Variants in NRDC observed in about 807,000 individuals in gnomAD.
NRDC encodes nardilysin.
Under a neutral mutation model 147.1 loss-of-function variants are expected in NRDC, and 54 were observed. The observed-to-expected ratio is 0.37, with a 90% CI of 0.29 to 0.46. The LOEUF is 0.46. NRDC is among the 20% of genes least tolerant of loss of function. NRDC has a pLI of 1.00. For missense variants in NRDC, 1,082 were observed against 1,370.6 expected, an observed-to-expected ratio of 0.79 and a Z score of 3.33; for synonymous variants, 440 against 482.1, an observed-to-expected ratio of 0.91 and a Z score of 1.14.
chr1:51,825,497 CA>C (rs1426777720), intron 5 of NRDC, 115 bp from the exon 6 acceptor site: 10 of 792,354 alleles, frequency 1.3e-5, no homozygotes, highest in Non-Finnish European at 2.0e-5. Flanking sequence ...CTTCATGAAT[CA>C]CGTGTTATAA....
At chr1:51,798,125 T>G (rs1679017452) in intron 22 of NRDC, 124 bp downstream of exon 22, 2 of 945,994 alleles carry the variant, frequency 2.1e-6, no homozygotes, top group African/African-American at 1.6e-5. Flanking sequence ...TCAGGTTCCC[T>G]TCTAAACAGA....
At chr1:51,797,346 T>C (rs1158132322) in intron 22 of NRDC, among the ~76,000 whole-genome samples, 1 of 152,206 alleles carries the variant, frequency 6.6e-6, no homozygotes, top group Admixed American at 6.5e-5. Context: ...CCCCAACTAC[T>C]GGAAACCACC....
At chr1:51,814,168 G>T in intron 13 of NRDC, 79 bp from the exon 14 acceptor site, 2 of 877,742 alleles carry the variant, frequency 2.3e-6, no homozygotes, top group South Asian at 1.4e-5. Flanking sequence ...AGGAGGGAGA[G>T]GATCAGAAAA....
At chr1:51,806,285 T>G (rs1427426360) in intron 18 of NRDC, among the ~76,000 whole-genome samples, 1 of 152,250 alleles carries the variant, frequency 6.6e-6, no homozygotes, top group Non-Finnish European at 1.5e-5. Context: ...CTAGGCTATC[T>G]GTCTATGAAT....
chr1:51,868,418 G>A (rs933727678), intron 1 of NRDC, among the ~76,000 whole-genome samples: 2 of 150,520 alleles, frequency 1.3e-5, no homozygotes, highest in Admixed American at 6.7e-5. Context: ...AAGATAGAAC[G>A]TTAAGAACAA....
chr1:51,820,480 T>G (rs574587956), intron 8 of NRDC, among the ~76,000 whole-genome samples: 2 of 152,250 alleles, frequency 1.3e-5, no homozygotes, highest in South Asian at 4.1e-4. Flanking sequence ...CATCAGGGAT[T>G]GACAGAACCT....
chr1:51,873,132 A>G (rs1683160877), intron 1 of NRDC, among the ~76,000 whole-genome samples: 1 of 150,194 alleles, frequency 6.7e-6, no homozygotes, highest in Non-Finnish European at 1.5e-5. Flanking sequence ...TTCATTGTAA[A>G]TATCAACAAA....
At chr1:51,852,176 G>C (rs1681984549) in intron 1 of NRDC, among the ~76,000 whole-genome samples, 1 of 152,088 alleles carries the variant, frequency 6.6e-6, no homozygotes. Flanking sequence ...CTTTGGGGCA[G>C]CTCTGAATCT....
intron 1 of NRDC, among the ~76,000 whole-genome samples, chr1:51,865,766 A>G (rs1443405625): frequency 1.3e-5 from 2 of 152,040 alleles, no homozygotes; most frequent in Non-Finnish European, 2.9e-5. Context: ...AAACCTAACA[A>G]TATCGACCAA....
intron 4 of NRDC, among the ~76,000 whole-genome samples, chr1:51,832,924 T>C (rs1465883777): frequency 6.6e-6 from 1 of 152,222 alleles, no homozygotes; most frequent in Non-Finnish European, 1.5e-5. Context: ...ATGGTACTTC[T>C]ATACAATGTA....
At chr1:51,813,042 G>A (rs963568800) in intron 14 of NRDC, among the ~76,000 whole-genome samples, 1 of 151,616 alleles carries the variant, frequency 6.6e-6, no homozygotes, top group Non-Finnish European at 1.5e-5. Flanking sequence ...CACTTTGGGA[G>A]GCCAATGAGG....
At chr1:51,861,861 T>C (rs1298000931) in intron 1 of NRDC, among the ~76,000 whole-genome samples, 2 of 152,214 alleles carry the variant, frequency 1.3e-5, no homozygotes, top group Non-Finnish European at 2.9e-5. Flanking sequence ...CACATTTATA[T>C]GCAATTGGGA....
At chr1:51,842,544 T>A (rs58869470) in intron 1 of NRDC, among the ~76,000 whole-genome samples, 3,870 of 152,292 alleles carry the variant, frequency 0.025, 114 homozygotes, top group South Asian at 0.097. Context: ...ATTCATATAA[T>A]GAAAATTTTC....
Position 51,821,535 on chromosome 1 carries a change from T to C in NRDC, c.1180A>G (p.Lys394Glu). 3.7e-6 allele frequency: 6 copies of C among 1,609,464 alleles called. No individual in the cohort carries two copies. The highest frequency in any genetic ancestry group is 4.3e-6 in the Non-Finnish European group (5 of 1,175,836). The change falls in exon 8 of 31, where the codon AAG becomes GAG. Residue 394 changes from lysine (K) to glutamate (E), a missense_variant. By Grantham distance (56) the Lys-to-Glu change is moderately conservative. This residue lies in a region of NRDC where 635 missense variants were observed against 923.8 expected (regional missense o/e 0.69). Coordinates refer to ENST00000352171, the MANE Select transcript of NRDC (RefSeq NM_001101662.2). Reference protein sequence around the residue: ...QSKETLDTLEKWVTEIFSQIP... With the variant: ...QSKETLDTLEEWVTEIFSQIP... ...TGAGAGAAGATTTCAGTCACCCACT[T>C]TTCCAAAGTATCCAGTGTTTCTTGA...
chr1:51,794,506 C>A lies in NRDC; in HGVS notation c.2741G>T (p.Gly914Val), dbSNP rs756301284. 3.1e-6 allele frequency: 5 copies of A among 1,614,170 alleles called. No individual in the cohort carries two copies. The highest frequency in any genetic ancestry group is 3.4e-6 in the Non-Finnish European group (4 of 1,180,022). Residue 914 changes from glycine (G) to valine (V), a missense_variant, in exon 24 of 31, where the codon GGT (glycine) becomes GTT (valine). This residue lies in a region of NRDC where 635 missense variants were observed against 923.8 expected (regional missense o/e 0.69). Transcript: ENST00000352171. Reference protein sequence around the residue: ...HLCKVKALNKGDANSEVTVYY... With the variant: ...HLCKVKALNKVDANSEVTVYY... ...CACAGTGACTTCAGAGTTGGCATCA[C>A]CCTTGTTCAGAGCTTTCACTTTGCA...
chr1:51,874,837 T>C (rs1683247870), intron 1 of NRDC, among the ~76,000 whole-genome samples: 1 of 152,164 alleles, frequency 6.6e-6, no homozygotes, highest in Admixed American at 6.5e-5. Context: ...AAAAGCGGAA[T>C]ACAAATTACA....
intron 1 of NRDC, among the ~76,000 whole-genome samples, chr1:51,865,693 C>T (rs1448916389): frequency 2.0e-5 from 3 of 152,116 alleles, no homozygotes; most frequent in Non-Finnish European, 4.4e-5. Flanking sequence ...CCCACTGCTT[C>T]ACTTGACTAA....
At chr1:51,838,063 C>T (rs554695277) in intron 2 of NRDC, among the ~76,000 whole-genome samples, 1 of 152,154 alleles carries the variant, frequency 6.6e-6, no homozygotes. Context: ...TTACCACTTA[C>T]GATCGTGGGA....
chr1:51,798,957 G>A (rs959439035), intron 21 of NRDC: 12 of 152,250 alleles, frequency 7.9e-5, no homozygotes, highest in East Asian at 1.9e-4. Flanking sequence ...GGAAGTATTC[G>A]TGAGAGGTAA....
Sources: allele counts gnomAD v4.1 joint callset (sites outside exome capture counted in the v4.1 genomes callset), GRCh38; gene constraint gnomAD v4.1.1; regional missense constraint gnomAD v4.1.1; transcripts MANE v1.5; gene names NCBI Gene and HGNC (gene_info 2026-07-23, HGNC 2026-07-21).